ROCK1: variants seen among roughly 807,000 people sequenced by gnomAD.
ROCK1 encodes rho-associated protein kinase 1.
ROCK1 carries 36 observed loss-of-function variants against 196.8 expected under a neutral mutation model. That is an observed-to-expected ratio of 0.18 (90% confidence interval 0.14 to 0.24). ROCK1 has a LOEUF of 0.24. Among genes scored for constraint, ROCK1 ranks in the 10% least tolerant of loss-of-function variants. The probability of loss-of-function intolerance (pLI) is 1.00; values close to 1 mark genes in which losing one functional copy is unlikely to be tolerated. For synonymous variants in ROCK1, 443 were observed against 515.9 expected (o/e 0.86, Z 1.91); for missense variants, 920 against 1,562.0 (o/e 0.59, Z 6.93).
chr18:20,999,373 T>C (rs1161010689), intron 16 of ROCK1, among the ~76,000 whole-genome samples: 3 of 151,596 alleles, frequency 2.0e-5, no homozygotes, highest in Non-Finnish European at 2.9e-5. Context: ...CAGAGTCAGA[T>C]ACATTTAATA....
At position 21,012,678 on chromosome 18, in the gene ROCK1, A is replaced by G. The variant is rs182026423; in HGVS notation, c.1410+2753T>C. 2.6e-4 allele frequency among the ~76,000 whole-genome samples: 40 copies of G among 152,136 alleles called. No individual in the cohort carries two copies. In the East Asian group the frequency reaches 6.2e-3, roughly 24 times the overall value. On this transcript the variant is annotated intron_variant, in intron 13 of 32. Coordinates refer to ENST00000399799, the MANE Select transcript of ROCK1 (RefSeq NM_005406.3). ...GGTAGTTCATGTCTTTTGTCAGTTC[A>G]GGTCTTTTGTCAAATTTGTTGAATT...
chr18:20,979,608 C>G (rs2035511717), intron 22 of ROCK1, among the ~76,000 whole-genome samples: 2 of 150,556 alleles, frequency 1.3e-5, no homozygotes, highest in Admixed American at 1.3e-4. Flanking sequence ...AGTGACAGAG[C>G]AAGACTCCAT....
chr18:21,083,108 A>G (rs2036496001), intron 1 of ROCK1, among the ~76,000 whole-genome samples: 1 of 152,206 alleles, frequency 6.6e-6, no homozygotes, highest in South Asian at 2.1e-4. Flanking sequence ...ATCAAAACAA[A>G]TAATACTGAA....
At chr18:20,954,343 G>A (rs1166814095) in intron 31 of ROCK1, among the ~76,000 whole-genome samples, 31 of 147,668 alleles carry the variant, frequency 2.1e-4, no homozygotes, top group Middle Eastern at 3.4e-3. Context: ...TTGGGAGGCC[G>A]AGGTGGGTGG....
intron 13 of ROCK1, among the ~76,000 whole-genome samples, chr18:21,013,286 C>A (rs146330415): frequency 6.6e-6 from 1 of 152,340 alleles, no homozygotes; most frequent in Non-Finnish European, 1.5e-5. Context: ...TGCCTCTTTT[C>A]TGCCAGGTGG....
intron 29 of ROCK1, among the ~76,000 whole-genome samples, chr18:20,959,047 A>ACATTTT (rs1555743125): frequency 4.0e-5 from 2 of 49,584 alleles, no homozygotes; most frequent in African/African-American, 3.0e-4. Context: ...TATAATATAT[A>ACATTTT]ATATATATAT....
At chr18:21,064,296 C>A (rs1163209210) in intron 2 of ROCK1, among the ~76,000 whole-genome samples, 1 of 152,160 alleles carries the variant, frequency 6.6e-6, no homozygotes, top group Non-Finnish European at 1.5e-5. Context: ...CCTCTCAGAA[C>A]TGTCCTTCCT....
At chr18:21,085,723 A>G (rs2036521009) in intron 1 of ROCK1, among the ~76,000 whole-genome samples, 2 of 152,230 alleles carry the variant, frequency 1.3e-5, no homozygotes, top group African/African-American at 4.8e-5. Context: ...ATTCCAAGCT[A>G]GAATATTTAG....
chr18:20,971,643 G>A (rs1173106298), intron 22 of ROCK1, among the ~76,000 whole-genome samples: 1 of 150,032 alleles, frequency 6.7e-6, no homozygotes, highest in Non-Finnish European at 1.5e-5. Context: ...AGGCTGAGGT[G>A]ACAGTGCAAG....
rs765332481 is a variant in ROCK1, at chr18:21,045,443, G to T, written c.439C>A (p.Arg147Ser). The change falls in exon 5 of 33, where the codon CGT becomes AGT. Residue 147 changes from arginine (R) to serine (S), a missense_variant. Physicochemically the swap from Arg to Ser is moderately radical, Grantham distance 110 (BLOSUM62 -1). Around this residue, in one of 6 missense-constraint regions of ROCK1, gnomAD observed 234 missense variants for 460.7 expected, o/e 0.51. Coordinates refer to ENST00000399799, the MANE Select transcript of ROCK1 (RefSeq NM_005406.3). Reference protein sequence around the residue: ...VQLFYAFQDDRYLYMVMEYMP... With the variant: ...VQLFYAFQDDSYLYMVMEYMP... Reference sequence around the variant, plus strand: ...TATTCCATCACCATGTAGAGATAACGATCATCTTGGAATGCATAAAAAAGC... The same window carrying T: ...TATTCCATCACCATGTAGAGATAACTATCATCTTGGAATGCATAAAAAAGC... 16 of 1,608,528 alleles carry T rather than the reference G, an allele frequency of 9.9e-6. No homozygotes were observed. Among genetic ancestry groups the T allele is most frequent in the African/African-American group, 2.7e-5 (2 of 74,642 alleles).
At chr18:20,989,653 G>GT (rs374903607) in intron 18 of ROCK1, among the ~76,000 whole-genome samples, 61 of 152,208 alleles carry the variant, frequency 4.0e-4, no homozygotes, top group African/African-American at 1.4e-3. Flanking sequence ...CATGTTTACA[G>GT]TAAGAAGATA....
intron 1 of ROCK1, among the ~76,000 whole-genome samples, chr18:21,102,397 A>G (rs1433783240): frequency 6.6e-6 from 1 of 152,188 alleles, no homozygotes; most frequent in East Asian, 1.9e-4. Context: ...ATAGACATTT[A>G]ATTAATCCTT....
At chr18:20,973,029 G>A (rs571448639) in intron 22 of ROCK1, among the ~76,000 whole-genome samples, 4 of 152,212 alleles carry the variant, frequency 2.6e-5, no homozygotes, top group South Asian at 2.1e-4. Flanking sequence ...ACAGGCATGT[G>A]CCACCACGCC....
chr18:21,100,711 CAGA>C (rs2036652334), intron 1 of ROCK1, among the ~76,000 whole-genome samples: 1 of 152,164 alleles, frequency 6.6e-6, no homozygotes, highest in African/African-American at 2.4e-5. Flanking sequence ...TGGGAGATCT[CAGA>C]AGGAGACTGC....
intron 13 of ROCK1, among the ~76,000 whole-genome samples, chr18:21,013,421 G>A (rs2035834882): frequency 6.6e-6 from 1 of 152,178 alleles, no homozygotes; most frequent in Non-Finnish European, 1.5e-5. Context: ...TCCATTGAGT[G>A]CACCATGGCT....
intron 22 of ROCK1, among the ~76,000 whole-genome samples, chr18:20,975,327 G>A (rs1475491743): frequency 6.6e-6 from 1 of 152,192 alleles, no homozygotes; most frequent in Non-Finnish European, 1.5e-5. Context: ...GGAGGAAACT[G>A]TTCCAGGCAG....
chr18:21,002,833 C>T (rs2035737064), intron 16 of ROCK1, among the ~76,000 whole-genome samples: 1 of 152,156 alleles, frequency 6.6e-6, no homozygotes, highest in South Asian at 2.1e-4. Flanking sequence ...CCTCCATCTC[C>T]TGGGCTCAAG....
chr18:20,962,896 C>A (rs776422788), intron 27 of ROCK1, among the ~76,000 whole-genome samples: 1 of 152,070 alleles, frequency 6.6e-6, no homozygotes, highest in Admixed American at 6.6e-5. Flanking sequence ...GCTTCTCCTG[C>A]GTTTCCTTTC....
chr18:20,970,681 C>T (rs1338088990), intron 22 of ROCK1, among the ~76,000 whole-genome samples, 168 bp from the exon 23 acceptor site: 2 of 152,104 alleles, frequency 1.3e-5, no homozygotes, highest in Non-Finnish European at 1.5e-5. Context: ...ATGAATTTAA[C>T]CTCTCACATG....
Sources: allele counts gnomAD v4.1 joint callset (sites outside exome capture counted in the v4.1 genomes callset), GRCh38; gene constraint gnomAD v4.1.1; regional missense constraint gnomAD v4.1.1; transcripts MANE v1.5; gene names NCBI Gene and HGNC (gene_info 2026-07-23, HGNC 2026-07-21).